Variants in BSPH1 observed in about 807,000 individuals in gnomAD.
BSPH1 encodes the protein binder of sperm 1.
Under a neutral mutation model 22.5 loss-of-function variants are expected in BSPH1, and 21 were observed. That is an observed-to-expected ratio of 0.93 (90% CI 0.66 to 1.35). The LOEUF (loss-of-function observed/expected upper bound fraction) is 1.35, where lower values mean the gene tolerates loss of function less well. Among genes scored for constraint, BSPH1 ranks in the 40% most tolerant of loss-of-function variants. BSPH1 has a pLI of 0.00. For missense variants in BSPH1, 141 were observed against 154.2 expected, an observed-to-expected ratio of 0.91 and a Z score of 0.45; for synonymous variants, 42 against 53.6, an observed-to-expected ratio of 0.78 and a Z score of 0.95.
intron 1 of BSPH1, among the ~76,000 whole-genome samples, chr19:47,991,042 G>C (rs1969517928): frequency 6.6e-6 from 1 of 151,692 alleles, no homozygotes; most frequent in South Asian, 2.1e-4. Flanking sequence ...ATGGAAGGGA[G>C]AGTATCTTTT....
chr19:47,974,500 C>T (rs2122241943), intron 5 of BSPH1, among the ~76,000 whole-genome samples: 1 of 152,052 alleles, frequency 6.6e-6, no homozygotes, highest in Admixed American at 6.6e-5. Context: ...AAACTCCTTA[C>T]CTCAGGTGAT....
chr19:47,970,978 A>C (rs1416655861), intron 5 of BSPH1, among the ~76,000 whole-genome samples: 3 of 152,116 alleles, frequency 2.0e-5, no homozygotes, highest in Non-Finnish European at 4.4e-5. Flanking sequence ...TATTATTTTG[A>C]GGGTGGTTTG....
chr19:47,980,426 C>T (rs1969407938), intron 2 of BSPH1: 2 of 527,618 alleles, frequency 3.8e-6, no homozygotes, highest in African/African-American at 2.0e-5. Context: ...TGTTTAATCA[C>T]CCAAAAGTAA....
intron 1 of BSPH1, among the ~76,000 whole-genome samples, chr19:47,988,456 G>A (rs971408251): frequency 2.0e-5 from 3 of 152,190 alleles, no homozygotes; most frequent in African/African-American, 7.2e-5. Flanking sequence ...GTTGGAACCC[G>A]GAGATGCTGG....
Position 47,976,702 on chromosome 19 carries a change from A to C in BSPH1, c.*2+8T>G. ...ACGTCTTCATCCCCCTCCCCTGGTA[A>C]ATCTCACCATCATTCACAGTATTTC... On this transcript the variant is annotated splice_region_variant and intron_variant, in intron 5 of 5. Coordinates refer to ENST00000344839, the MANE Select transcript of BSPH1 (RefSeq NM_001128326.2). 1.9e-6 allele frequency: 3 copies of C among 1,551,322 alleles called. No individual in the cohort carries two copies. The highest frequency in any genetic ancestry group is 2.6e-6 in the Non-Finnish European group (3 of 1,146,608).
intron 3 of BSPH1, 44 bp downstream of exon 3, chr19:47,979,526 A>G (rs1423146113): frequency 9.1e-6 from 9 of 987,886 alleles, no homozygotes; most frequent in Non-Finnish European, 1.3e-5. Context: ...TACAAAATTA[A>G]AAGAAAATAT....
chr19:47,983,601 C>T (rs776485332), intron 1 of BSPH1, among the ~76,000 whole-genome samples: 11 of 152,164 alleles, frequency 7.2e-5, no homozygotes, highest in Non-Finnish European at 1.0e-4. Context: ...CCCACTCAAA[C>T]GTCCCACTCT....
rs1969368917 is a variant in BSPH1 at position 47,976,786 on chromosome 19, C to T, written c.325G>A (p.Glu109Lys). The change falls in exon 5 of 6, where the codon GAA (glutamate) becomes AAA (lysine). Residue 109 changes from glutamate (E) to lysine (K), a missense_variant. Glu to Lys is a moderately conservative substitution (Grantham distance 56). Transcript: ENST00000344839. The part of the protein sequence containing the change: ...LIYWECTDDG[E>K]AFGKKWCSLT... ...GAACACCATTTTTTCCCAAATGCTT[C>T]CCCATCATCAGTACACTCCCAGTAG... 3.2e-6 allele frequency: 5 copies of T among 1,551,538 alleles called. No individual in the cohort carries two copies. The highest frequency in any genetic ancestry group is 2.0e-5 in the Admixed American group (1 of 50,988).
rs183917008 is a variant in BSPH1 at position 47,971,277 on chromosome 19, C to T, written c.*3-3068G>A. 2.6e-5 allele frequency among the ~76,000 whole-genome samples: 4 copies of T among 152,318 alleles called. No individual in the cohort carries two copies. In the East Asian group the frequency reaches 5.8e-4, roughly 22 times the overall value. On this transcript the variant is annotated intron_variant, in intron 5 of 5. Coordinates refer to ENST00000344839, the MANE Select transcript of BSPH1 (RefSeq NM_001128326.2). ...GGAGTGCAGTGGCATGATCTCTCGG[C>T]TCACTGCAACTTCCGCCTTTTGGGT...
At chr19:47,988,206 G>T (rs1253634864) in intron 1 of BSPH1, among the ~76,000 whole-genome samples, 1 of 152,078 alleles carries the variant, frequency 6.6e-6, no homozygotes, top group Non-Finnish European at 1.5e-5. Flanking sequence ...TGTGAGTATC[G>T]ACTACTAAAT....
chr19:47,980,483 T>TCA, intron 2 of BSPH1: 4 of 299,520 alleles, frequency 1.3e-5, no homozygotes, highest in Non-Finnish European at 2.0e-5. Flanking sequence ...CTTTCTTTTT[T>TCA]TTTTTTTTTT....
At chr19:47,977,333 A>C in intron 4 of BSPH1, 40 bp downstream of exon 4, 1 of 1,487,832 alleles carries the variant, frequency 6.7e-7, no homozygotes, top group South Asian at 1.2e-5. Context: ...CTCAGAGACC[A>C]AGATTACTGC....
intron 1 of BSPH1, among the ~76,000 whole-genome samples, chr19:47,982,220 A>G (rs1290818292): frequency 6.6e-6 from 1 of 152,244 alleles, no homozygotes; most frequent in Non-Finnish European, 1.5e-5. Context: ...GATATCTCTC[A>G]TATTAAAGCA....
intron 1 of BSPH1, among the ~76,000 whole-genome samples, chr19:47,989,448 A>G (rs114337699): frequency 6.6e-6 from 1 of 151,572 alleles, no homozygotes; most frequent in Non-Finnish European, 1.5e-5. Flanking sequence ...CCAGTCTGTC[A>G]CTGCTTCTAA....
At chr19:47,968,357 T>C (rs1011965580) in intron 5 of BSPH1, 148 bp from the exon 6 acceptor site, 1 of 133,028 alleles carries the variant, frequency 7.5e-6, no homozygotes, top group Admixed American at 8.0e-5. Context: ...TCTCTCTCTC[T>C]TTTTTCTTTT....
At chr19:47,988,611 C>A (rs111907828) in intron 1 of BSPH1, among the ~76,000 whole-genome samples, 11 of 152,160 alleles carry the variant, frequency 7.2e-5, no homozygotes, top group African/African-American at 2.6e-4. Context: ...AATAATGGCT[C>A]TTGCAATGCA....
chr19:47,981,286 C>T (rs775250399), intron 1 of BSPH1, among the ~76,000 whole-genome samples: 1 of 152,104 alleles, frequency 6.6e-6, no homozygotes, highest in African/African-American at 2.4e-5. Context: ...TTATTTCTGT[C>T]ACCACTTCTC....
intron 5 of BSPH1, among the ~76,000 whole-genome samples, chr19:47,974,087 G>C (rs1395499271): frequency 2.0e-5 from 3 of 152,060 alleles, no homozygotes; most frequent in Non-Finnish European, 2.9e-5. Flanking sequence ...AGTGCTATCT[G>C]CATGCACCTC....
chr19:47,979,672 A>G (rs1969400103), intron 2 of BSPH1, 73 bp from the exon 3 acceptor site: 4 of 631,758 alleles, frequency 6.3e-6, no homozygotes, highest in Non-Finnish European at 1.1e-5. Flanking sequence ...TACGTAAAAT[A>G]AAATTAAATA....
Sources: gnomAD v4.1 joint callset for allele counts (sites outside exome capture counted in the v4.1 genomes callset) on GRCh38, gnomAD v4.1.1 for gene constraint, MANE v1.5 for transcripts, NCBI Gene and HGNC (gene_info 2026-07-23, HGNC 2026-07-21) for gene names.